The following ZNF236 variants were observed in gnomAD, a reference collection of about 807,000 sequenced individuals.
ZNF236 encodes the protein zinc finger protein 236.
In ZNF236, 50 loss-of-function variants were observed where a neutral mutation model predicts 191.2. The observed-to-expected ratio is 0.26, with a 90% CI of 0.21 to 0.33. The LOEUF (loss-of-function observed/expected upper bound fraction) is 0.33. ZNF236 is among the 10% of genes least tolerant of loss of function. ZNF236 has a pLI of 1.00. For synonymous variants in ZNF236, 907 were observed against 928.8 expected (o/e 0.98, Z 0.43); for missense variants, 1,754 against 2,374.5 (o/e 0.74, Z 5.43).
chr18:76,852,693 G>A (rs547070890), intron 3 of ZNF236, among the ~76,000 whole-genome samples: 2 of 151,244 alleles, frequency 1.3e-5, no homozygotes, highest in Non-Finnish European at 2.9e-5. Flanking sequence ...CATTATTACT[G>A]TAGAAAATTA....
In ZNF236 at chr18:76,915,714, C is replaced by G; in HGVS notation, c.3129C>G (p.His1043Gln). Reference sequence around the variant, plus strand: ...CCACCAATGGCAGCCTCACCCGGCACATGGCCACACATATGAGCATGAAGC... The same window carrying G: ...CCACCAATGGCAGCCTCACCCGGCAGATGGCCACACATATGAGCATGAAGC... Reference protein sequence around the residue: ...SFTTNGSLTRHMATHMSMKPY... With the variant: ...SFTTNGSLTRQMATHMSMKPY... Residue 1043 changes from histidine to glutamine, a missense_variant, in exon 19 of 31, where the codon CAC becomes CAG. Around this residue, in one of 5 missense-constraint regions of ZNF236, gnomAD observed 641 missense variants for 869.6 expected, o/e 0.74. Transcript: ENST00000320610. The G allele has an allele frequency of 1.9e-6, 3 of 1,614,138 alleles. No homozygotes were observed. Among genetic ancestry groups the G allele is most frequent in the Non-Finnish European group, 2.5e-6 (3 of 1,180,032 alleles).
intron 3 of ZNF236, among the ~76,000 whole-genome samples, chr18:76,865,310 C>CAAGAG (rs2122579667): frequency 6.6e-6 from 1 of 152,228 alleles, no homozygotes; most frequent in Non-Finnish European, 1.5e-5. Context: ...GCACTCCAGC[C>CAAGAG]TGGGCCACAA....
chr18:76,866,900 A>T (rs1976430581), intron 3 of ZNF236, among the ~76,000 whole-genome samples: 1 of 151,892 alleles, frequency 6.6e-6, no homozygotes, highest in African/African-American at 2.4e-5. Flanking sequence ...AGCCGTCTGT[A>T]AGCTGGCAGG....
intron 26 of ZNF236, among the ~76,000 whole-genome samples, chr18:76,938,490 G>A (rs1968054281): frequency 6.6e-6 from 1 of 152,226 alleles, no homozygotes; most frequent in Non-Finnish European, 1.5e-5. Flanking sequence ...TTGGCATCTA[G>A]AGCAGGATTG....
At chr18:76,843,530 C>T (rs893226139) in intron 1 of ZNF236, among the ~76,000 whole-genome samples, 2 of 151,670 alleles carry the variant, frequency 1.3e-5, no homozygotes, top group Non-Finnish European at 2.9e-5. Flanking sequence ...GTAATCCCAG[C>T]ACTTTGGGAG....
intron 25 of ZNF236, among the ~76,000 whole-genome samples, 182 bp downstream of exon 25, chr18:76,928,288 A>C (rs755930739): frequency 4.6e-5 from 7 of 152,260 alleles, no homozygotes; most frequent in Non-Finnish European, 7.3e-5. Context: ...CTGGCACCAG[A>C]AATGAAAAAT....
intron 5 of ZNF236, among the ~76,000 whole-genome samples, chr18:76,872,526 A>T (rs914974717): frequency 6.6e-6 from 1 of 152,218 alleles, no homozygotes; most frequent in Non-Finnish European, 1.5e-5. Flanking sequence ...GTGGATTTTC[A>T]TATTCTTTTA....
chr18:76,963,262 T>C (rs2122972485), intron 30 of ZNF236, among the ~76,000 whole-genome samples: 1 of 152,346 alleles, frequency 6.6e-6, no homozygotes. Flanking sequence ...ATGCCGATTT[T>C]CCTGGGAGTT....
chr18:76,885,220 C>G (rs1336203424), intron 9 of ZNF236: 4 of 152,570 alleles, frequency 2.6e-5, no homozygotes, highest in African/African-American at 7.2e-5. Context: ...TGAAGATGCT[C>G]AGTGCATCCT....
rs1967640608 is a variant in ZNF236, at chr18:76,925,202, C to T, written c.3675C>T (p.Phe1225=). 3 of 1,613,204 alleles carry T rather than the reference C, an allele frequency of 1.9e-6. No homozygotes were observed. Among genetic ancestry groups the T allele is most frequent in the Non-Finnish European group, 2.5e-6 (3 of 1,179,566 alleles). ...GGCTTTTCACAGGTCAGAAGCTCTT[C>T]AGCTGTCACGTCTGCAGCAACGCCT... The part of the protein sequence containing the change: ...HVKTHTGQKL[F]SCHVCSNAFS... Residue 1225 remains phenylalanine (F), a synonymous_variant, in exon 22 of 31, where the codon TTC becomes TTT. Coordinates refer to ENST00000320610, the MANE Select transcript of ZNF236 (RefSeq NM_001306089.2). This position sits in a 1 kb window ranked among gnomAD's most constrained non-coding sequence, Gnocchi z 5.7.
At chr18:76,839,334 A>C (rs896553935) in intron 1 of ZNF236, among the ~76,000 whole-genome samples, 1 of 151,896 alleles carries the variant, frequency 6.6e-6, no homozygotes. Context: ...AGCAATTTTC[A>C]TGCCCTCTGG....
At chr18:76,850,572 C>G (rs2122509040) in intron 2 of ZNF236, among the ~76,000 whole-genome samples, 1 of 151,936 alleles carries the variant, frequency 6.6e-6, no homozygotes, top group African/African-American at 2.4e-5. Flanking sequence ...CTGTTAAAAT[C>G]TAGTAAAATT....
intron 25 of ZNF236, among the ~76,000 whole-genome samples, chr18:76,932,813 G>A (rs542221038): frequency 6.6e-6 from 1 of 152,352 alleles, no homozygotes; most frequent in East Asian, 1.9e-4. Context: ...GTTTGTAGGC[G>A]CAGCAGATTG....
At chr18:76,896,405 A>G (rs1977412446) in intron 10 of ZNF236, among the ~76,000 whole-genome samples, 1 of 149,598 alleles carries the variant, frequency 6.7e-6, no homozygotes, top group Admixed American at 6.7e-5. Flanking sequence ...ACAGTACCAA[A>G]CACAGTACTA....
At chr18:76,855,498 T>G (rs73487062) in intron 3 of ZNF236, among the ~76,000 whole-genome samples, 2,532 of 152,332 alleles carry the variant, frequency 0.017, 71 homozygotes, top group African/African-American at 0.057. Context: ...TGCCTTTTCA[T>G]CAGTTAACTA....
chr18:76,950,141 G>A (rs930391647), intron 27 of ZNF236, among the ~76,000 whole-genome samples: 22 of 152,224 alleles, frequency 1.4e-4, no homozygotes, highest in African/African-American at 4.1e-4. Context: ...TGGCCGTGAC[G>A]ATTTCTTAAA....
intron 9 of ZNF236, among the ~76,000 whole-genome samples, chr18:76,884,216 A>T (rs960961629): frequency 1.3e-5 from 2 of 151,888 alleles, no homozygotes; most frequent in African/African-American, 4.8e-5. Context: ...CCTGGACAAC[A>T]TGGTGAAACC....
chr18:76,920,704 G>A (rs1967509287), intron 20 of ZNF236, among the ~76,000 whole-genome samples: 1 of 152,214 alleles, frequency 6.6e-6, no homozygotes, highest in Non-Finnish European at 1.5e-5. Context: ...GCGCCCTCCT[G>A]CCTCTGAGGC....
In ZNF236 at chr18:76,919,644, T is replaced by C; in HGVS notation, c.3275-132T>C. The C allele has an allele frequency of 9.0e-7, 1 of 1,113,808 alleles. No homozygotes were observed. The highest frequency in any genetic ancestry group is 1.6e-5 in the South Asian group (1 of 63,748). 69.0% of individuals were successfully genotyped at this position (1,113,808 alleles called of 1,614,324 possible). ...GAGGTGGGAAAATATAGCAACTCTC[T>C]ACCATCATAAAAATAGCTTGGTTGA... On this transcript the variant is annotated intron_variant, in intron 19 of 30. Coordinates refer to ENST00000320610, the MANE Select transcript of ZNF236 (RefSeq NM_001306089.2). This position sits in a 1 kb window ranked among gnomAD's most constrained non-coding sequence, Gnocchi z 5.3.
Sources: gnomAD v4.1 joint callset for allele counts (sites outside exome capture counted in the v4.1 genomes callset) on GRCh38, gnomAD v4.1.1 for gene constraint, gnomAD v4.1.1 regional missense constraint, Gnocchi (gnomAD v3.1) non-coding constraint, MANE v1.5 for transcripts, NCBI Gene and HGNC (gene_info 2026-07-23, HGNC 2026-07-21) for gene names.